TNR: variants seen among roughly 807,000 people sequenced by gnomAD.
TNR encodes the protein tenascin-R.
A neutral mutation model predicts 150.4 loss-of-function variants in TNR; 45 were observed. The observed-to-expected ratio is 0.30, with a 90% confidence interval of 0.24 to 0.38. The LOEUF (loss-of-function observed/expected upper bound fraction) is 0.38. Among genes scored for constraint, TNR ranks in the 10% least tolerant of loss-of-function variants. TNR has a pLI of 1.00. For synonymous variants in TNR, 687 were observed against 678.4 expected, an observed-to-expected ratio of 1.01 and a Z score of -0.20; for missense variants, 1,544 against 1,759.1, an observed-to-expected ratio of 0.88 and a Z score of 2.19.
At chr1:175,389,515 T>C in intron 7 of TNR, among the ~76,000 whole-genome samples, 1 of 152,192 alleles carries the variant, frequency 6.6e-6, no homozygotes, top group East Asian at 1.9e-4. Context: ...CCTTAGACTA[T>C]TACCATTAGA....
In TNR at chr1:175,461,559, C is replaced by T. The variant is rs572432657; in HGVS notation, c.-63-54782G>A. 7.9e-5 allele frequency among the ~76,000 whole-genome samples: 12 copies of T among 152,258 alleles called. 2 individuals carry two copies. In the South Asian group the frequency reaches 2.3e-3, roughly 29 times the overall value. ...GAACTTTCCATGAAAGAACAGAAAACGAAATCTCTACATCTATCTTAAATG... is the reference window on the plus strand; with the variant it reads ...GAACTTTCCATGAAAGAACAGAAAATGAAATCTCTACATCTATCTTAAATG... On this transcript the variant is annotated intron_variant, in intron 2 of 22. Transcript: ENST00000367674.
chr1:175,712,799 C>T (rs976170031), intron 1 of TNR, among the ~76,000 whole-genome samples: 2 of 152,176 alleles, frequency 1.3e-5, no homozygotes, highest in African/African-American at 4.8e-5. Context: ...AGAAACTGAG[C>T]AGATGCCAGC....
chr1:175,373,100 T>A (rs940046228), intron 9 of TNR, among the ~76,000 whole-genome samples: 4 of 152,124 alleles, frequency 2.6e-5, no homozygotes, highest in Non-Finnish European at 5.9e-5. Flanking sequence ...CTGGTGGCAG[T>A]AGCGGTGGTG....
rs1473815953 is a variant in TNR, at chr1:175,321,919, G to T, written c.*1438C>A. ...CCTCTTTCCAGGATTATCAGTCAGG[G>T]GTATAGCTCTCTGGGCATATACCTT... On this transcript the variant is annotated 3_prime_UTR_variant, in exon 23 of 23. Transcript: ENST00000367674. 1 of 152,112 alleles carries T rather than the reference G, an allele frequency of 6.6e-6. No homozygotes were observed. Among genetic ancestry groups the T allele is most frequent in the Non-Finnish European group, 1.5e-5 (1 of 68,026 alleles). The allele number at this position is 152,112 out of a possible 1,614,324, so 9.4% of individuals were successfully genotyped here.
intron 14 of TNR, among the ~76,000 whole-genome samples, chr1:175,361,216 C>CA (rs1651571710): frequency 6.6e-6 from 1 of 152,312 alleles, no homozygotes; most frequent in South Asian, 2.1e-4. Context: ...TGCATGCATC[C>CA]ATGCCTGGCT....
intron 19 of TNR, among the ~76,000 whole-genome samples, chr1:175,336,501 G>A (rs1366641377): frequency 6.6e-6 from 1 of 152,216 alleles, no homozygotes; most frequent in Non-Finnish European, 1.5e-5. Flanking sequence ...AGGGCGGAGG[G>A]GCTGGTTTTC....
intron 2 of TNR, among the ~76,000 whole-genome samples, chr1:175,502,382 G>A (rs560536220): frequency 6.6e-6 from 1 of 152,306 alleles, no homozygotes; most frequent in African/African-American, 2.4e-5. Context: ...GGCCCTCACT[G>A]AGAATTGCCC....
intron 2 of TNR, among the ~76,000 whole-genome samples, chr1:175,501,208 G>A (rs1233948214): frequency 2.0e-5 from 3 of 152,128 alleles, no homozygotes; most frequent in African/African-American, 7.2e-5. Flanking sequence ...AGAAGGTGAA[G>A]TATCAGACAC....
rs1037448715 is a variant in TNR at position 175,363,127 on chromosome 1, G to A, written c.2708-318C>T. On this transcript the variant is annotated intron_variant, in intron 13 of 22. Transcript: ENST00000367674. Reference sequence around the variant, plus strand: ...ACCGATGCAAGGAGCAGTCCCCACAGTCCAGAGACAGTGTAGTCTGGAATG... The same window carrying A: ...ACCGATGCAAGGAGCAGTCCCCACAATCCAGAGACAGTGTAGTCTGGAATG... Among the ~76,000 whole-genome samples the A allele has an allele frequency of 2.0e-5, 3 of 152,240 alleles. No homozygotes were observed. The East Asian group carries it at 5.8e-4, about 29-fold the overall frequency.
At chr1:175,720,257 GCTCTCT>G (rs751936280) in intron 1 of TNR, among the ~76,000 whole-genome samples, 1 of 150,946 alleles carries the variant, frequency 6.6e-6, no homozygotes, top group East Asian at 1.9e-4. Context: ...GCTCTCTTGT[GCTCTCT>G]CTCTCTCTCT....
chr1:175,579,925 G>T (rs1662283224), intron 1 of TNR, among the ~76,000 whole-genome samples: 1 of 151,914 alleles, frequency 6.6e-6, no homozygotes, highest in African/African-American at 2.4e-5. Flanking sequence ...GGAGGCTATT[G>T]GTCCCCATGG....
At chr1:175,359,030 T>A (rs1466429902) in intron 15 of TNR, among the ~76,000 whole-genome samples, 1 of 152,024 alleles carries the variant, frequency 6.6e-6, no homozygotes, top group Non-Finnish European at 1.5e-5. Context: ...CCTAGGGCTA[T>A]TGCTCTGTTT....
intron 2 of TNR, among the ~76,000 whole-genome samples, chr1:175,491,225 G>C (rs1227448491): frequency 6.6e-6 from 1 of 152,088 alleles, no homozygotes; most frequent in Non-Finnish European, 1.5e-5. Context: ...TCAGAGGGGA[G>C]CTTGGGGGAG....
At chr1:175,428,613 C>T (rs912829727) in intron 2 of TNR, among the ~76,000 whole-genome samples, 1 of 152,138 alleles carries the variant, frequency 6.6e-6, no homozygotes, top group African/African-American at 2.4e-5. Flanking sequence ...CACATTTGTT[C>T]AAATCAACAT....
chr1:175,428,354 G>A (rs1251186410), intron 2 of TNR, among the ~76,000 whole-genome samples: 1 of 152,148 alleles, frequency 6.6e-6, no homozygotes, highest in Non-Finnish European at 1.5e-5. Flanking sequence ...AATCTGGTGA[G>A]ACATGGCTGA....
chr1:175,642,059 A>G (rs1664681222), intron 1 of TNR, among the ~76,000 whole-genome samples: 1 of 152,160 alleles, frequency 6.6e-6, no homozygotes. Context: ...CTAATCCACA[A>G]CCATATCATC....
intron 1 of TNR, among the ~76,000 whole-genome samples, chr1:175,644,954 T>C (rs1664767685): frequency 6.6e-6 from 1 of 152,232 alleles, no homozygotes; most frequent in African/African-American, 2.4e-5. Context: ...TTTTTTTACA[T>C]GATTTAAGCT....
chr1:175,638,456 C>T (rs1022924581), intron 1 of TNR, among the ~76,000 whole-genome samples: 3 of 152,152 alleles, frequency 2.0e-5, no homozygotes, highest in Admixed American at 2.0e-4. Context: ...CGGATGGCTT[C>T]GCGGTAAGTG....
Position 175,331,054 on chromosome 1 carries a change from T to TTTCTTTCTTTCTTTCTTTCCTTC in TNR, c.3632-820_3632-819insGAAGGAAAGAAAGAAAGAAAGAA, listed in dbSNP as rs1557867687. Reference sequence around the variant, plus strand: ...CTTTCTTTCTTTCTTTCTTTCTTTCTTTCTTTCTTTCTTTCTTTCTTTCCT... The same window carrying TTTCTTTCTTTCTTTCTTTCCTTC: ...CTTTCTTTCTTTCTTTCTTTCTTTCTTTCTTTCTTTCTTTCTTTCCTTCTTCTTTCTTTCTTTCTTTCTTTCCT... On this transcript the variant is annotated intron_variant, in intron 20 of 22. Coordinates refer to ENST00000367674, the MANE Select transcript of TNR (RefSeq NM_003285.3). Among the ~76,000 whole-genome samples, 72 of 105,784 alleles carry TTTCTTTCTTTCTTTCTTTCCTTC rather than the reference T, an allele frequency of 6.8e-4. 4 individuals are homozygous for TTTCTTTCTTTCTTTCTTTCCTTC. The highest frequency in any genetic ancestry group is 3.6e-3 in the East Asian group (13 of 3,626). The allele number at this position is 105,784 out of a possible 152,430, so 69.4% of individuals were successfully genotyped here. A position where few individuals can be genotyped will look rare whatever the true frequency, so the allele number is the denominator to read the frequency against.
Sources: gnomAD v4.1 joint callset for allele counts (sites outside exome capture counted in the v4.1 genomes callset) on GRCh38, gnomAD v4.1.1 for gene constraint, MANE v1.5 for transcripts, NCBI Gene and HGNC (gene_info 2026-07-23, HGNC 2026-07-21) for gene names.